Variants in HTR2C observed in about 807,000 individuals in gnomAD.
HTR2C encodes the protein 5-hydroxytryptamine (serotonin) receptor 2C, G protein-coupled.
A neutral mutation model predicts 21.0 loss-of-function variants in HTR2C; 5 were observed. The observed-to-expected ratio is 0.24, with a 90% confidence interval of 0.12 to 0.50. The LOEUF (loss-of-function observed/expected upper bound fraction) is 0.50. Among genes scored for constraint, HTR2C ranks in the 20% least tolerant of loss-of-function variants. The pLI is 0.98. For synonymous variants in HTR2C, 150 were observed against 145.3 expected, an observed-to-expected ratio of 1.03 and a Z score of -0.23; for missense variants, 271 against 371.2, an observed-to-expected ratio of 0.73 and a Z score of 2.22.
At chrX:114,603,631 G>T (rs1382732483) in intron 1 of HTR2C, among the ~76,000 whole-genome samples, 1 of 33,389 alleles carries the variant, frequency 3.0e-5, no homozygotes, top group Admixed American at 3.2e-4. Context: ...AAGAAATTTG[G>T]GCTTGATTGA....
At chrX:114,805,844 CAT>C (rs1491173070) in intron 4 of HTR2C, among the ~76,000 whole-genome samples, 6 of 8,473 alleles carry the variant, frequency 7.1e-4, no homozygotes, top group African/African-American at 9.1e-4. Context: ...CCATATATAC[CAT>C]ATATATACCA....
At chrX:114,684,106 C>T (rs1931839216) in intron 2 of HTR2C, among the ~76,000 whole-genome samples, 1 of 110,426 alleles carries the variant, frequency 9.1e-6, no homozygotes, top group African/African-American at 3.3e-5. Context: ...TATTGAGAGC[C>T]CTTTGAGATA....
intron 2 of HTR2C, among the ~76,000 whole-genome samples, chrX:114,725,907 G>T (rs1370097993): frequency 1.9e-5 from 2 of 107,879 alleles, no homozygotes; most frequent in Non-Finnish European, 3.9e-5. Flanking sequence ...GAGAACCACT[G>T]CTATCTTCAA....
intron 4 of HTR2C, among the ~76,000 whole-genome samples, chrX:114,765,366 GA>G (rs781826590): frequency 3.6e-5 from 4 of 111,005 alleles, no homozygotes; most frequent in African/African-American, 9.8e-5. Context: ...AACTTTAATT[GA>G]ACACTTACTC....
rs1198272293 is a variant in HTR2C, at chrX:114,650,847, G to A, written c.-80+36966G>A. ...AATCTTAAATCTAGTCAGGGCTGTC[G>A]AATTGAACAGTGAGGTAGAGGCTCT... On this transcript the variant is annotated intron_variant, in intron 2 of 5. Coordinates refer to ENST00000276198, the MANE Select transcript of HTR2C (RefSeq NM_000868.4). Among the ~76,000 whole-genome samples the A allele has an allele frequency of 2.7e-5, 3 of 111,303 alleles. No individual in the cohort carries two copies. The East Asian group carries it at 8.5e-4, about 32-fold the overall frequency.
intron 2 of HTR2C, among the ~76,000 whole-genome samples, chrX:114,686,840 G>A (rs1246674944): frequency 1.8e-5 from 2 of 110,615 alleles, no homozygotes; most frequent in African/African-American, 3.3e-5. Context: ...ATTTTATAAC[G>A]TTTCAGATAA....
intron 2 of HTR2C, among the ~76,000 whole-genome samples, chrX:114,719,409 CA>C (rs1933112330): frequency 9.0e-6 from 1 of 111,494 alleles, no homozygotes; most frequent in South Asian, 3.7e-4. Flanking sequence ...ACTCACAGAA[CA>C]TTTCTTATTG....
intron 2 of HTR2C, among the ~76,000 whole-genome samples, chrX:114,688,176 C>T (rs1931981300): frequency 9.2e-6 from 1 of 109,124 alleles, no homozygotes; most frequent in East Asian, 2.9e-4. Flanking sequence ...CAAAAATTAG[C>T]CGAGTGTGGT....
chrX:114,777,134 T>C (rs1259461617), intron 4 of HTR2C, among the ~76,000 whole-genome samples: 8 of 112,258 alleles, frequency 7.1e-5, no homozygotes, highest in African/African-American at 2.6e-4. Flanking sequence ...TACTAAAAAG[T>C]TGATCTATTT....
At chrX:114,714,423 C>A (rs1932946846) in intron 2 of HTR2C, among the ~76,000 whole-genome samples, 1 of 111,598 alleles carries the variant, frequency 9.0e-6, no homozygotes, top group South Asian at 3.7e-4. Context: ...TCTGTGTGGT[C>A]TCCTAACTCT....
intron 2 of HTR2C, among the ~76,000 whole-genome samples, chrX:114,696,406 G>A (rs782352186): frequency 9.0e-5 from 10 of 110,811 alleles, no homozygotes; most frequent in Admixed American, 7.7e-4. Context: ...CAAATTTACC[G>A]AGAAACGAAA....
chrX:114,704,699 G>T (rs1184217000), intron 2 of HTR2C, among the ~76,000 whole-genome samples: 23 of 111,272 alleles, frequency 2.1e-4, no homozygotes, highest in African/African-American at 7.5e-4. Flanking sequence ...TGTTGGAAGT[G>T]CTGGCCAGGC....
At position 114,813,946 on chromosome X, in the gene HTR2C, A is replaced by G. The variant is rs1204315381; in HGVS notation, c.350-34057A>G. On this transcript the variant is annotated intron_variant, in intron 4 of 5. Coordinates refer to ENST00000276198, the MANE Select transcript of HTR2C (RefSeq NM_000868.4). ...ATTACAATACAATATATATGCTAGG[A>G]TACAGATATATGTAAGGTACTGAGA... Among the ~76,000 whole-genome samples the G allele has an allele frequency of 2.7e-5, 3 of 111,627 alleles. No individual in the cohort carries two copies. In the East Asian group the frequency reaches 8.4e-4, roughly 31 times the overall value.
chrX:114,757,630 A>G (rs2069826356), intron 4 of HTR2C, among the ~76,000 whole-genome samples: 1 of 111,700 alleles, frequency 9.0e-6, no homozygotes, highest in Non-Finnish European at 1.9e-5. Flanking sequence ...CCCAATAAAA[A>G]CTAAAATCTC....
chrX:114,755,496 T>G (rs1455608343), intron 4 of HTR2C, among the ~76,000 whole-genome samples: 1 of 111,423 alleles, frequency 9.0e-6, no homozygotes, highest in Non-Finnish European at 1.9e-5. Context: ...GAAATCTATC[T>G]CTGCTCCCCT....
At chrX:114,786,115 G>T (rs1017842969) in intron 4 of HTR2C, among the ~76,000 whole-genome samples, 4 of 112,014 alleles carry the variant, frequency 3.6e-5, no homozygotes, top group Admixed American at 9.5e-5. Context: ...AATTAAAATC[G>T]CAATTAAATG....
At chrX:114,864,290 T>C (rs1274812008) in intron 5 of HTR2C, among the ~76,000 whole-genome samples, 1 of 111,428 alleles carries the variant, frequency 9.0e-6, no homozygotes, top group Non-Finnish European at 1.9e-5. Flanking sequence ...TTCTTTAGCA[T>C]TGGTATATCT....
chrX:114,864,867 T>A (rs1347154748), intron 5 of HTR2C, among the ~76,000 whole-genome samples: 1 of 103,985 alleles, frequency 9.6e-6, no homozygotes, highest in Non-Finnish European at 2.0e-5. Context: ...GTTTGCTTTT[T>A]TGTTTTGGGG....
chrX:114,677,951 ACT>A (rs1931615855), intron 2 of HTR2C, among the ~76,000 whole-genome samples: 1 of 107,706 alleles, frequency 9.3e-6, no homozygotes, highest in Non-Finnish European at 1.9e-5. Flanking sequence ...GTCCTAAAGC[ACT>A]CTTTTTTTTT....
Sources: allele counts gnomAD v4.1 joint callset (sites outside exome capture counted in the v4.1 genomes callset), GRCh38; gene constraint gnomAD v4.1.1; transcripts MANE v1.5; gene names NCBI Gene and HGNC (gene_info 2026-07-23, HGNC 2026-07-21).